The following UBXN11 variants were observed in gnomAD, a reference collection of about 807,000 sequenced individuals.
UBXN11 encodes UBX domain protein 11.
In UBXN11, 47 loss-of-function variants were observed where a neutral mutation model predicts 62.8. The ratio of observed to expected loss-of-function variants is 0.75; its 90% confidence interval spans 0.59 to 0.95. The LOEUF (loss-of-function observed/expected upper bound fraction) is 0.95. Among genes scored for constraint, UBXN11 ranks in the 40% least tolerant of loss-of-function variants. The pLI is 0.00. For missense variants in UBXN11, 638 were observed against 661.7 expected (o/e 0.96, Z 0.39); for synonymous variants, 294 against 267.0 (o/e 1.10, Z -0.99).
At chr1:26,304,000 G>A (rs1271816190) in intron 1 of UBXN11, among the ~76,000 whole-genome samples, 2 of 152,066 alleles carry the variant, frequency 1.3e-5, no homozygotes, top group African/African-American at 4.8e-5. Context: ...CAGGTGATCC[G>A]CCCCCCTCGA....
At position 26,313,903 on chromosome 1, in the gene UBXN11, C is replaced by A. The variant is rs139292007; in HGVS notation, c.-149+4144G>T. On this transcript the variant is annotated intron_variant, in intron 1 of 14. Transcript: ENST00000374217. ...TCATGCCATTCTCCTACCTCAGCCT[C>A]CCGAGTAGCTGGGACTACAGGTGCC... 5.9e-3 allele frequency among the ~76,000 whole-genome samples: 893 copies of A among 151,902 alleles called. 8 individuals carry two copies. The highest frequency in any genetic ancestry group is 0.021 in the African/African-American group (871 of 41,416).
chr1:26,296,813 G>T, intron 7 of UBXN11, 106 bp downstream of exon 7: 1 of 1,196,678 alleles, frequency 8.4e-7, no homozygotes, highest in Non-Finnish European at 1.2e-6. Flanking sequence ...GGGATGTGAC[G>T]AGGAGAGGCC....
Position 26,283,553 on chromosome 1 carries a change from G to T in UBXN11, c.1077+589C>A, listed in dbSNP as rs111436026. ...GGGAAGGCAGCCTGGAGGATGGTCAGCAGGGGCAGGAGTGGCAGTGGGAGG... is the reference window on the plus strand; with the variant it reads ...GGGAAGGCAGCCTGGAGGATGGTCATCAGGGGCAGGAGTGGCAGTGGGAGG... On this transcript the variant is annotated intron_variant, in intron 12 of 14. Coordinates refer to ENST00000374222, the MANE Select transcript of UBXN11 (RefSeq NM_001389556.1). 2.2e-3 allele frequency among the ~76,000 whole-genome samples: 330 copies of T among 152,320 alleles called. 2 individuals carry two copies. The highest frequency in any genetic ancestry group is 0.01 in the South Asian group (49 of 4,826).
At chr1:26,315,417 C>A (rs2073782193) in intron 1 of UBXN11, among the ~76,000 whole-genome samples, 1 of 152,266 alleles carries the variant, frequency 6.6e-6, no homozygotes, top group Non-Finnish European at 1.5e-5. Context: ...TGGGCTGGTG[C>A]CCTTCTGGCA....
chr1:26,317,831 C>G (rs2073814404), intron 1 of UBXN11: 1 of 588,822 alleles, frequency 1.7e-6, no homozygotes. Context: ...CTGGTATTAT[C>G]CACCCCCAGA....
chr1:26,284,673 C>G, intron 10 of UBXN11, 191 bp from the exon 11 acceptor site: 1 of 1,357,196 alleles, frequency 7.4e-7, no homozygotes, highest in Non-Finnish European at 9.5e-7. Context: ...CCTGCTGCTC[C>G]TGTAAGCACC....
chr1:26,313,779 T>TATC (rs1468962921), intron 1 of UBXN11, among the ~76,000 whole-genome samples: 1 of 119,144 alleles, frequency 8.4e-6, no homozygotes, highest in African/African-American at 2.9e-5. Flanking sequence ...TATAATTTTT[T>TATC]TTCTTTTTTT....
At chr1:26,293,600 C>T (rs1305366782) in intron 8 of UBXN11, among the ~76,000 whole-genome samples, 2 of 151,898 alleles carry the variant, frequency 1.3e-5, no homozygotes, top group African/African-American at 4.8e-5. Flanking sequence ...TTGGCACACA[C>T]TTGTAATCCT....
chr1:26,297,667 G>A (rs534696574), intron 5 of UBXN11, among the ~76,000 whole-genome samples, 186 bp from the exon 6 acceptor site: 80 of 152,244 alleles, frequency 5.3e-4, no homozygotes, highest in African/African-American at 1.9e-3. Flanking sequence ...GGAGAGGTGC[G>A]GCCCACACCT....
rs2073674120 is a variant in UBXN11, at chr1:26,306,596, C to A, written c.-40G>T. ...AAGGTCTTAAGCCAGACTCACCACG[C>A]AGGGCCGCTAGCCGTCCCGCAGCGC... On this transcript the variant is annotated 5_prime_UTR_variant, in exon 1 of 15. Transcript: ENST00000374222. 6.6e-6 allele frequency: 1 copy of A among 152,290 alleles called. No homozygotes were observed. Among genetic ancestry groups the A allele is most frequent in the South Asian group, 2.1e-4 (1 of 4,836 alleles). 9.4% of individuals were successfully genotyped at this position (152,290 alleles called of 1,614,324 possible). A position where few individuals can be genotyped will look rare whatever the true frequency, so the allele number is the denominator to read the frequency against.
chr1:26,299,006 A>C (rs1288705699), intron 4 of UBXN11, among the ~76,000 whole-genome samples: 4 of 151,964 alleles, frequency 2.6e-5, no homozygotes, highest in Non-Finnish European at 4.4e-5. Context: ...CTGAATTAAC[A>C]CCCCTGGAGC....
chr1:26,316,156 G>C, intron 1 of UBXN11, among the ~76,000 whole-genome samples: 1 of 122,992 alleles, frequency 8.1e-6, no homozygotes, highest in East Asian at 2.5e-4. Context: ...TTTTTTGAGA[G>C]ATGGGGCCTT....
upstream of UBXN11, among the ~76,000 whole-genome samples, chr1:26,307,711 C>T (rs927165610): frequency 4.0e-5 from 6 of 151,396 alleles, no homozygotes; most frequent in Admixed American, 3.3e-4. Context: ...CTGCAACATC[C>T]GCCTCCCAGG....
intron 2 of UBXN11, 59 bp downstream of exon 2, chr1:26,302,754 G>A: frequency 1.3e-6 from 2 of 1,563,222 alleles, no homozygotes; most frequent in Non-Finnish European, 1.8e-6. Context: ...TCTGGCCATG[G>A]AAGGATAGAA....
chr1:26,291,139 C>G (rs75511481), intron 8 of UBXN11, among the ~76,000 whole-genome samples: 5 of 152,152 alleles, frequency 3.3e-5, no homozygotes, highest in African/African-American at 1.2e-4. Flanking sequence ...TCACCCTCCA[C>G]AGGCCTCCAC....
chr1:26,285,662 C>G (rs1000217951), intron 9 of UBXN11, 121 bp from the exon 10 acceptor site: 3 of 1,362,772 alleles, frequency 2.2e-6, no homozygotes, highest in Non-Finnish European at 2.0e-6. Flanking sequence ...TGGAAACATT[C>G]AGAGTCCCAG....
upstream of UBXN11, among the ~76,000 whole-genome samples, chr1:26,309,544 A>AT (rs200544491): frequency 5.9e-5 from 9 of 152,130 alleles, no homozygotes; most frequent in South Asian, 2.1e-4. Context: ...TTCTGGTTTG[A>AT]TTTTTTTTAA....
At chr1:26,312,408 G>A (rs763719741) in intron 1 of UBXN11, among the ~76,000 whole-genome samples, 30 of 152,024 alleles carry the variant, frequency 2.0e-4, no homozygotes, top group Middle Eastern at 3.4e-3. Context: ...ATGCCACCAC[G>A]CCCAGCTAAT....
chr1:26,288,529 C>A (rs1034692873), intron 8 of UBXN11, among the ~76,000 whole-genome samples: 1 of 152,114 alleles, frequency 6.6e-6, no homozygotes, highest in African/African-American at 2.4e-5. Flanking sequence ...AGCCAGTGAG[C>A]CCCCACCACC....
Sources: allele counts gnomAD v4.1 joint callset (sites outside exome capture counted in the v4.1 genomes callset), GRCh38; gene constraint gnomAD v4.1.1; transcripts MANE v1.5; gene names NCBI Gene and HGNC (gene_info 2026-07-23, HGNC 2026-07-21).